ZFHX3: variants seen among roughly 807,000 people sequenced by gnomAD.
ZFHX3 encodes zinc finger homeobox 3, also known as zinc finger homeobox protein 3.
A neutral mutation model predicts 279.1 loss-of-function variants in ZFHX3; 42 were observed. The ratio of observed to expected loss-of-function variants is 0.15; its 90% CI spans 0.12 to 0.19. The LOEUF is 0.19. Among genes scored for constraint, ZFHX3 ranks in the 10% least tolerant of loss-of-function variants. ZFHX3 has a pLI of 1.00. For synonymous variants in ZFHX3, 2,293 were observed against 1,957.8 expected (o/e 1.17, Z -4.52); for missense variants, 4,981 against 4,754.0 (o/e 1.05, Z -1.40).
chr16:73,454,713 TAA>T (rs1301723809), intron 3 of ZFHX3, among the ~76,000 whole-genome samples: 1 of 151,902 alleles, frequency 6.6e-6, no homozygotes, highest in African/African-American at 2.4e-5. Flanking sequence ...ACCCACCCAA[TAA>T]AGAGTGTGTG....
intron 9 of ZFHX3, chr16:72,790,785 C>G (rs2035665215): frequency 6.6e-6 from 1 of 152,150 alleles, no homozygotes; most frequent in African/African-American, 2.4e-5. Flanking sequence ...TCTGTCTCCA[C>G]TAGGCAATGG....
intron 2 of ZFHX3, among the ~76,000 whole-genome samples, chr16:73,631,925 T>TCACACACACACA (rs1253240451): frequency 1.1e-5 from 1 of 90,874 alleles, no homozygotes; most frequent in African/African-American, 3.4e-5. Flanking sequence ...TCTCTCTCTC[T>TCACACACACACA]CTCACACACA....
intron 6 of ZFHX3, among the ~76,000 whole-genome samples, chr16:73,133,286 C>A (rs1437158809): frequency 1.3e-5 from 2 of 152,196 alleles, no homozygotes; most frequent in African/African-American, 4.8e-5. Flanking sequence ...CTTTGGGAGG[C>A]TGAGGTGGGT....
At chr16:73,112,432 G>T (rs916787831) in intron 7 of ZFHX3, among the ~76,000 whole-genome samples, 1 of 152,032 alleles carries the variant, frequency 6.6e-6, no homozygotes, top group Non-Finnish European at 1.5e-5. Context: ...TTTTAAAAAG[G>T]CCGAACCCAG....
intron 4 of ZFHX3, among the ~76,000 whole-genome samples, chr16:73,268,119 A>T (rs780570908): frequency 1.3e-5 from 2 of 152,090 alleles, no homozygotes; most frequent in Non-Finnish European, 2.9e-5. Flanking sequence ...GAATAAATCC[A>T]TTTTTTTCCA....
At chr16:73,710,464 T>C (rs2053348734) in intron 1 of ZFHX3, among the ~76,000 whole-genome samples, 1 of 152,292 alleles carries the variant, frequency 6.6e-6, no homozygotes, top group African/African-American at 2.4e-5. Context: ...ACTCCAGTAA[T>C]TACCAAAACC....
chr16:73,090,576 G>T (rs1966060695), intron 8 of ZFHX3, among the ~76,000 whole-genome samples: 1 of 151,874 alleles, frequency 6.6e-6, no homozygotes, highest in Non-Finnish European at 1.5e-5. Flanking sequence ...GGGAGGGAAA[G>T]CGGGCTGGAT....
Position 72,903,573 on chromosome 16 carries a change from AGAG to A in ZFHX3, c.3217-13614_3217-13612del, listed in dbSNP as rs562213680. On this transcript the variant is annotated intron_variant, in intron 3 of 9. Transcript: ENST00000268489. ...CCGTATTCTTACTGAGGTTTGGCTC[AGAG>A]GAGGAACTATTATTCTAGCCCACCA... Among the ~76,000 whole-genome samples the A allele has an allele frequency of 6.1e-3, 936 of 152,302 alleles. 4 individuals carry two copies. The highest frequency in any genetic ancestry group is 0.017 in the Middle Eastern group (5 of 294).
chr16:73,363,765 A>G (rs1222329463), intron 3 of ZFHX3, among the ~76,000 whole-genome samples: 1 of 152,040 alleles, frequency 6.6e-6, no homozygotes, highest in Non-Finnish European at 1.5e-5. Context: ...CACTATGCTC[A>G]CCCCCAGGAT....
intron 3 of ZFHX3, among the ~76,000 whole-genome samples, chr16:73,364,030 G>A (rs1362397247): frequency 2.6e-5 from 4 of 151,940 alleles, no homozygotes; most frequent in South Asian, 2.1e-4. Context: ...AAAATTAGCC[G>A]GGCATGGTGA....
chr16:72,843,513 TAAAAAAA>T (rs59007764), intron 4 of ZFHX3, among the ~76,000 whole-genome samples: 2 of 39,464 alleles, frequency 5.1e-5, no homozygotes, highest in South Asian at 2.1e-3. Context: ...AGACTCCGTC[TAAAAAAA>T]AAAAAAAAAA....
intron 7 of ZFHX3, among the ~76,000 whole-genome samples, chr16:73,104,387 C>A (rs543207144): frequency 6.6e-6 from 1 of 152,062 alleles, no homozygotes; most frequent in African/African-American, 2.4e-5. Flanking sequence ...CGCACCACCA[C>A]GTCCAGCTAA....
intron 3 of ZFHX3, among the ~76,000 whole-genome samples, chr16:73,334,373 GC>G: frequency 6.6e-6 from 1 of 152,300 alleles, no homozygotes; most frequent in South Asian, 2.1e-4. Context: ...GGGCATGAAG[GC>G]AGTGAGAGCT....
intron 5 of ZFHX3, among the ~76,000 whole-genome samples, chr16:73,153,306 A>G (rs1415852230): frequency 6.6e-6 from 1 of 152,190 alleles, no homozygotes. Context: ...TTTTAGAGAC[A>G]AGGTGTCTCC....
intron 2 of ZFHX3, among the ~76,000 whole-genome samples, chr16:73,488,384 A>G (rs1174905958): frequency 6.6e-6 from 1 of 152,180 alleles, no homozygotes; most frequent in Non-Finnish European, 1.5e-5. Flanking sequence ...GGGTAAAGGA[A>G]GGCGAGAGTG....
intron 3 of ZFHX3, among the ~76,000 whole-genome samples, chr16:73,381,852 T>C (rs2016823281): frequency 1.3e-5 from 2 of 152,210 alleles, no homozygotes; most frequent in African/African-American, 4.8e-5. Flanking sequence ...CAGGCCGCAT[T>C]CAAAGCCATC....
At chr16:73,303,033 CTTTT>C (rs35496023) in intron 4 of ZFHX3, among the ~76,000 whole-genome samples, 1 of 147,072 alleles carries the variant, frequency 6.8e-6, no homozygotes, top group South Asian at 2.2e-4. Context: ...GCAATGGAGA[CTTTT>C]TTTTTTTTTG....
chr16:73,496,486 G>A (rs535328543), intron 2 of ZFHX3, among the ~76,000 whole-genome samples: 4 of 152,294 alleles, frequency 2.6e-5, no homozygotes, highest in Admixed American at 2.0e-4. Context: ...AGCCAAGATC[G>A]TGCCACTGCA....
chr16:73,148,555 C>CTTTTTTTTTTTTT (rs36018349), intron 5 of ZFHX3, among the ~76,000 whole-genome samples: 1 of 55,382 alleles, frequency 1.8e-5, no homozygotes, highest in Non-Finnish European at 3.2e-5. Flanking sequence ...AAATGCTGGG[C>CTTTTTTTTTTTTT]TTTTTTTTTT....
Sources: allele counts gnomAD v4.1 joint callset (sites outside exome capture counted in the v4.1 genomes callset), GRCh38; gene constraint gnomAD v4.1.1; transcripts MANE v1.5; gene names NCBI Gene and HGNC (gene_info 2026-07-23, HGNC 2026-07-21).